Variants in INPP4A observed in about 807,000 individuals in gnomAD.
INPP4A encodes inositol polyphosphate-4-phosphatase type I A, also known as inositol polyphosphate-4-phosphatase, type I, 107kD.
Under a neutral mutation model 119.8 loss-of-function variants are expected in INPP4A, and 33 were observed. That is an observed-to-expected ratio of 0.28 (90% CI 0.21 to 0.37). INPP4A has a LOEUF of 0.37. Ranked by LOEUF, INPP4A falls within the 10% of genes least tolerant of loss-of-function variation. The probability of loss-of-function intolerance (pLI) is 1.00; values close to 1 mark genes in which losing one functional copy is unlikely to be tolerated. For missense variants in INPP4A, 956 were observed against 1,289.9 expected (o/e 0.74, Z 3.97); for synonymous variants, 496 against 500.7 (o/e 0.99, Z 0.12).
intron 8 of INPP4A, 42 bp from the exon 9 acceptor site, chr2:98,538,849 G>T: frequency 8.5e-7 from 1 of 1,181,034 alleles, no homozygotes; most frequent in South Asian, 1.3e-5. Flanking sequence ...GGAGTCATCT[G>T]AATCTCACAG....
At chr2:98,500,902 A>C (rs1312242079) in intron 1 of INPP4A, among the ~76,000 whole-genome samples, 2 of 152,270 alleles carry the variant, frequency 1.3e-5, no homozygotes, top group Non-Finnish European at 2.9e-5. Flanking sequence ...AATCTTTGTT[A>C]CTGCCACTGG....
chr2:98,573,724 C>G (rs1441619005), intron 23 of INPP4A, among the ~76,000 whole-genome samples: 1 of 152,146 alleles, frequency 6.6e-6, no homozygotes, highest in Non-Finnish European at 1.5e-5. Flanking sequence ...CTCTCAGCCC[C>G]GAGTCTCTTC....
intron 13 of INPP4A, among the ~76,000 whole-genome samples, chr2:98,551,962 A>C (rs147880931): frequency 6.6e-6 from 1 of 152,142 alleles, no homozygotes; most frequent in Non-Finnish European, 1.5e-5. Flanking sequence ...AGGCCCCCAC[A>C]GCGGGAGGAT....
intron 24 of INPP4A, among the ~76,000 whole-genome samples, chr2:98,585,484 TA>T (rs1479508058): frequency 6.6e-6 from 1 of 152,250 alleles, no homozygotes; most frequent in African/African-American, 2.4e-5. Context: ...CATTGGTTCC[TA>T]AAAAGTATGC....
intron 17 of INPP4A, among the ~76,000 whole-genome samples, chr2:98,562,531 C>T (rs1400953008): frequency 6.6e-6 from 1 of 152,196 alleles, no homozygotes; most frequent in African/African-American, 2.4e-5. Context: ...TGGCTCGAAC[C>T]CTCACCCTAA....
At chr2:98,565,538 C>T in intron 19 of INPP4A, 102 bp from the exon 20 acceptor site, 2 of 1,318,466 alleles carry the variant, frequency 1.5e-6, no homozygotes, top group South Asian at 1.6e-5. Flanking sequence ...ACACCTGCAC[C>T]CCTCCTGTCA....
At chr2:98,480,674 C>T (rs1274910811) in intron 1 of INPP4A, among the ~76,000 whole-genome samples, 1 of 152,204 alleles carries the variant, frequency 6.6e-6, no homozygotes, top group African/African-American at 2.4e-5. Context: ...CCAGCTAGCT[C>T]CCGTGCATTT....
In INPP4A at chr2:98,572,965, G is replaced by A; in HGVS notation, c.2631+38G>A. ...GAGAGGAAAAGGAGGCTATTGCGGTGCCCACAGCTGAACGTCATGACAGAA... is the reference window on the plus strand; with the variant it reads ...GAGAGGAAAAGGAGGCTATTGCGGTACCCACAGCTGAACGTCATGACAGAA... On this transcript the variant is annotated intron_variant, in intron 23 of 24. Coordinates refer to ENST00000409851, the MANE Select transcript of INPP4A (RefSeq NM_001134225.2). The A allele has an allele frequency of 2.8e-6, 4 of 1,406,328 alleles. No individual in the cohort carries two copies. In the South Asian group the frequency reaches 4.9e-5, roughly 17 times the overall value. The allele number at this position is 1,406,328 out of a possible 1,614,324, so 87.1% of individuals were successfully genotyped here. A position where few individuals can be genotyped will look rare whatever the true frequency, so the allele number is the denominator to read the frequency against.
chr2:98,506,618 TG>T (rs1684098538), intron 1 of INPP4A, among the ~76,000 whole-genome samples: 1 of 152,242 alleles, frequency 6.6e-6, no homozygotes, highest in Non-Finnish European at 1.5e-5. Context: ...GAGAAGTTCT[TG>T]GTCTCCTCCT....
intron 1 of INPP4A, among the ~76,000 whole-genome samples, chr2:98,447,698 A>G (rs1393845740): frequency 1.3e-5 from 2 of 152,100 alleles, no homozygotes; most frequent in African/African-American, 4.8e-5. Flanking sequence ...TTTTTCCTGA[A>G]CTGCTTAATA....
At chr2:98,508,262 G>A (rs1001833252) in intron 1 of INPP4A, among the ~76,000 whole-genome samples, 4 of 152,206 alleles carry the variant, frequency 2.6e-5, no homozygotes, top group Admixed American at 2.6e-4. Flanking sequence ...TTGTGTTTGG[G>A]TGGAAGAAGA....
At chr2:98,544,326 T>TAAACAAC (rs1692089864) in intron 11 of INPP4A, among the ~76,000 whole-genome samples, 1 of 152,252 alleles carries the variant, frequency 6.6e-6, no homozygotes, top group Admixed American at 6.5e-5. Flanking sequence ...AATCCCGGGC[T>TAAACAAC]ATTACTGCTT....
rs149782640 is a variant in INPP4A at position 98,525,147 on chromosome 2, C to G, written c.151+4416C>G. On this transcript the variant is annotated intron_variant, in intron 4 of 24. Transcript: ENST00000409851. Reference sequence around the variant, plus strand: ...GCTAGTGGTTTTAAATTTTAGGACTCCATTTTTTTGCTAGCTATCAGTTAA... The same window carrying G: ...GCTAGTGGTTTTAAATTTTAGGACTGCATTTTTTTGCTAGCTATCAGTTAA... Among the ~76,000 whole-genome samples, 1,239 of 152,238 alleles carry G rather than the reference C, an allele frequency of 8.1e-3. 57 individuals carry two copies. Among genetic ancestry groups the G allele is most frequent in the Admixed American group, 0.072 (1,098 of 15,288 alleles).
Position 98,520,120 on chromosome 2 carries a change from C to A in INPP4A, c.72C>A (p.Asp24Glu). Reference sequence around the variant, plus strand: ...CAATGCAGCGGGCTTCCACCATCGACGTGGCGGCCGACATGCTGGGCCTCT... The same window carrying A: ...CAATGCAGCGGGCTTCCACCATCGAAGTGGCGGCCGACATGCTGGGCCTCT... ...ARAMQRASTI[D>E]VAADMLGLSL... is the part of the protein sequence containing the mutation. The change falls in exon 3 of 25, where the codon GAC becomes GAA. Residue 24 changes from aspartate (D) to glutamate (E), a missense_variant. Asp to Glu is a conservative substitution (Grantham distance 45, BLOSUM62 2). This residue lies in a region of INPP4A where 652 missense variants were observed against 797.9 expected (regional missense o/e 0.82). Coordinates refer to ENST00000409851, the MANE Select transcript of INPP4A (RefSeq NM_001134225.2). 6.4e-7 allele frequency: 1 copy of A among 1,565,494 alleles called. No individual in the cohort carries two copies. The highest frequency in any genetic ancestry group is 8.7e-7 in the Non-Finnish European group (1 of 1,154,054).
intron 1 of INPP4A, among the ~76,000 whole-genome samples, chr2:98,451,558 T>A (rs1357233780): frequency 6.6e-6 from 1 of 152,080 alleles, no homozygotes; most frequent in African/African-American, 2.4e-5. Context: ...GCAGCGCCCC[T>A]CTTTTTGCAC....
At chr2:98,542,334 T>A (rs1691626767) in intron 10 of INPP4A, among the ~76,000 whole-genome samples, 1 of 152,260 alleles carries the variant, frequency 6.6e-6, no homozygotes, top group Admixed American at 6.5e-5. Flanking sequence ...GCACAGCTTT[T>A]AAAAACAATT....
At chr2:98,445,660 A>G (rs1029176821) in intron 1 of INPP4A, among the ~76,000 whole-genome samples, 1 of 152,218 alleles carries the variant, frequency 6.6e-6, no homozygotes, top group Non-Finnish European at 1.5e-5. Context: ...CCAGCCAGGA[A>G]TGGGTAGGCC....
chr2:98,583,522 A>G (rs535916697), intron 24 of INPP4A, among the ~76,000 whole-genome samples: 71 of 152,308 alleles, frequency 4.7e-4, no homozygotes, highest in African/African-American at 1.6e-3. Context: ...TAGATCAGGA[A>G]AAACTCCCCA....
chr2:98,562,662 CT>C (rs1486070879), intron 17 of INPP4A, among the ~76,000 whole-genome samples: 5 of 152,182 alleles, frequency 3.3e-5, no homozygotes, highest in African/African-American at 1.2e-4. Context: ...CAAATATAAC[CT>C]TAATGAGAGC....
Sources: gnomAD v4.1 joint callset for allele counts (sites outside exome capture counted in the v4.1 genomes callset) on GRCh38, gnomAD v4.1.1 for gene constraint, gnomAD v4.1.1 regional missense constraint, MANE v1.5 for transcripts, NCBI Gene and HGNC (gene_info 2026-07-23, HGNC 2026-07-21) for gene names.